Variants in VPS37A observed in about 807,000 individuals in gnomAD.
The protein encoded by VPS37A is vacuolar protein sorting-associated protein 37A.
A neutral mutation model predicts 49.8 loss-of-function variants in VPS37A; 30 were observed. The ratio of observed to expected loss-of-function variants is 0.60; its 90% confidence interval spans 0.45 to 0.82. The LOEUF is 0.82. VPS37A is among the 40% of genes least tolerant of loss of function. The pLI, the probability that VPS37A is intolerant of heterozygous loss-of-function variation, is 0.00. For synonymous variants in VPS37A, 195 were observed against 160.6 expected (o/e 1.21, Z -1.62); for missense variants, 593 against 464.4 (o/e 1.28, Z -2.55).
intron 1 of VPS37A, chr8:17,248,263 T>C (rs763008815): frequency 0.084 from 15,628 of 185,588 alleles, 454 homozygotes; most frequent in South Asian, 0.19. Context: ...CCTAACCCCT[T>C]TTTTTTTTTT....
At chr8:17,312,333 G>A in the VPS37A span, among the ~76,000 whole-genome samples, 6 of 152,108 alleles carry the variant, frequency 3.9e-5, no homozygotes, top group African/African-American at 2.4e-5. Context: ...CCAGCACTTT[G>A]GGAGGCCGTG....
chr8:17,261,885 A>G (rs1163195556), intron 1 of VPS37A, among the ~76,000 whole-genome samples: 1 of 152,136 alleles, frequency 6.6e-6, no homozygotes, highest in East Asian at 1.9e-4. Flanking sequence ...GGCAGTTTCC[A>G]GGGTTGAGGA....
intron 11 of VPS37A, among the ~76,000 whole-genome samples, chr8:17,287,985 T>C (rs891796212): frequency 6.6e-6 from 1 of 152,142 alleles, no homozygotes; most frequent in African/African-American, 2.4e-5. Flanking sequence ...GTTTCTCATG[T>C]CCAGTAAACT....
intron 10 of VPS37A, among the ~76,000 whole-genome samples, chr8:17,284,935 G>C (rs1586052596): frequency 2.6e-5 from 4 of 152,232 alleles, no homozygotes; most frequent in African/African-American, 9.6e-5. Flanking sequence ...ATATAAATGA[G>C]AGTGAGGGCC....
At chr8:17,253,249 C>T (rs186887470) in intron 1 of VPS37A, among the ~76,000 whole-genome samples, 346 of 152,300 alleles carry the variant, frequency 2.3e-3, no homozygotes, top group Non-Finnish European at 3.8e-3. Flanking sequence ...AAACCTGTGC[C>T]GTCTTCCATT....
intron 11 of VPS37A, 156 bp downstream of exon 11, chr8:17,286,583 G>A (rs1815614641): frequency 3.5e-6 from 2 of 574,492 alleles, no homozygotes; most frequent in South Asian, 2.7e-5. Context: ...TATATAATAA[G>A]CATAATATAA....
chr8:17,300,134 A>C (rs771367722), downstream of VPS37A: 1 of 1,614,106 alleles, frequency 6.2e-7, no homozygotes, highest in Admixed American at 1.7e-5. Flanking sequence ...CTGTTGTCTG[A>C]GGTAGAAAAC....
At chr8:17,301,154 C>T (rs557994868), downstream of VPS37A, among the ~76,000 whole-genome samples, 2 of 152,308 alleles carry the variant, frequency 1.3e-5, no homozygotes, top group African/African-American at 2.4e-5. Context: ...TGCAAAAGCA[C>T]TGTGCTGGGC....
the VPS37A span, among the ~76,000 whole-genome samples, chr8:17,307,865 C>T: frequency 6.7e-6 from 1 of 149,564 alleles, no homozygotes; most frequent in Admixed American, 6.7e-5. Context: ...GGAAGGGGAA[C>T]ATCACACACC....
At chr8:17,313,352 C>A in the VPS37A span, 1 of 1,613,022 alleles carries the variant, frequency 6.2e-7, no homozygotes, top group Non-Finnish European at 8.5e-7. Context: ...AGCCAGAGTT[C>A]TCCAGACCCC....
At chr8:17,320,097 G>C in the VPS37A span, among the ~76,000 whole-genome samples, 1 of 151,502 alleles carries the variant, frequency 6.6e-6, no homozygotes, top group African/African-American at 2.4e-5. Flanking sequence ...GGATAGACGG[G>C]GTTAAATAAA....
At chr8:17,285,955 G>A (rs983904915) in intron 10 of VPS37A, among the ~76,000 whole-genome samples, 1 of 152,096 alleles carries the variant, frequency 6.6e-6, no homozygotes, top group Non-Finnish European at 1.5e-5. Context: ...GTCAACATTA[G>A]CTATCTTCAA....
At position 17,286,329 on chromosome 8, in the gene VPS37A, C is replaced by T. The variant is rs1226453929; in HGVS notation, c.1114-18C>T. 3.7e-6 allele frequency: 6 copies of T among 1,608,724 alleles called. No individual in the cohort carries two copies. The African/African-American group carries it at 4.0e-5, about 11-fold the overall frequency. On this transcript the variant is annotated intron_variant, in intron 10 of 11. Coordinates refer to ENST00000324849, the MANE Select transcript of VPS37A (RefSeq NM_152415.3). ...TCTTTGTAAAAGTGACTGGTATTTT[C>T]AAAAATTTATTTTCTAGATTTGCCA...
downstream of VPS37A, among the ~76,000 whole-genome samples, chr8:17,303,086 C>A (rs896208025): frequency 6.6e-6 from 1 of 152,006 alleles, no homozygotes; most frequent in African/African-American, 2.4e-5. Context: ...ACAGAGTTAC[C>A]CTTAGAACCA....
chr8:17,284,670 A>G (rs1251326192), intron 10 of VPS37A, 54 bp downstream of exon 10: 1 of 1,532,798 alleles, frequency 6.5e-7, no homozygotes, highest in South Asian at 1.3e-5. Flanking sequence ...TGGTATTTTT[A>G]TAGAGGAGGA....
chr8:17,296,793 G>A lies in VPS37A; in HGVS notation c.*1807G>A, dbSNP rs936336566. On this transcript the variant is annotated 3_prime_UTR_variant, in exon 12 of 12. Coordinates refer to ENST00000324849, the MANE Select transcript of VPS37A (RefSeq NM_152415.3). ...AAAAATGTTCTACATAATCACATGA[G>A]TAGTTCATCTCAGTGTTTTTTATTC... 1 of 152,094 alleles carries A rather than the reference G, an allele frequency of 6.6e-6. No individual in the cohort carries two copies. Among genetic ancestry groups the A allele is most frequent in the Non-Finnish European group, 1.5e-5 (1 of 68,000 alleles). The allele number at this position is 152,094 out of a possible 1,614,324, so 9.4% of individuals were successfully genotyped here. A position where few individuals can be genotyped will look rare whatever the true frequency, so the allele number is the denominator to read the frequency against.
the VPS37A span, chr8:17,311,464 C>T: frequency 2.5e-6 from 4 of 1,612,398 alleles, no homozygotes; most frequent in Non-Finnish European, 3.4e-6. Context: ...GGGGTCCATT[C>T]CTGGTCAAGG....
At chr8:17,299,053 C>G (rs1406743447), downstream of VPS37A, 3 of 152,110 alleles carry the variant, frequency 2.0e-5, no homozygotes, top group Admixed American at 6.5e-5. Flanking sequence ...GGTGGCTGGC[C>G]CACACTGTCG....
At position 17,247,382 on chromosome 8, in the gene VPS37A, T is replaced by C; in HGVS notation, c.125+13T>C. 4 of 725,368 alleles carry C rather than the reference T, an allele frequency of 5.5e-6. No homozygotes were observed. Among genetic ancestry groups the C allele is most frequent in the South Asian group, 1.5e-5 (1 of 68,630 alleles). The allele number at this position is 725,368 out of a possible 1,614,324, so 44.9% of individuals were successfully genotyped here. A position where few individuals can be genotyped will look rare whatever the true frequency, so the allele number is the denominator to read the frequency against. On this transcript the variant is annotated intron_variant, in intron 1 of 11. Transcript: ENST00000324849. ...ACTCACACTCCAGGTGACTGGTCGC[T>C]GCCTCTCCACCGGAGGAAAAAGTAG...
Sources: gnomAD v4.1 joint callset for allele counts (sites outside exome capture counted in the v4.1 genomes callset) on GRCh38, gnomAD v4.1.1 for gene constraint, MANE v1.5 for transcripts, NCBI Gene and HGNC (gene_info 2026-07-23, HGNC 2026-07-21) for gene names.